Variants in TFPI2 observed in about 807,000 individuals in gnomAD.
TFPI2 encodes tissue factor pathway inhibitor 2.
In TFPI2, 23 loss-of-function variants were observed where a neutral mutation model predicts 23.1. The ratio of observed to expected loss-of-function variants is 1.00; its 90% CI spans 0.72 to 1.41. The LOEUF is 1.41. Among genes scored for constraint, TFPI2 ranks in the 40% most tolerant of loss-of-function variants. The pLI is 0.00. For synonymous variants in TFPI2, 119 were observed against 111.7 expected, an observed-to-expected ratio of 1.07 and a Z score of -0.41; for missense variants, 291 against 299.6, an observed-to-expected ratio of 0.97 and a Z score of 0.21.
intron 4 of TFPI2, 69 bp downstream of exon 4, chr7:93,887,192 A>C (rs1794009829): frequency 6.9e-7 from 1 of 1,449,134 alleles, no homozygotes; most frequent in African/African-American, 1.5e-5. Context: ...TGGATAAATA[A>C]AAATATAATT....
intron 4 of TFPI2, 29 bp downstream of exon 4, chr7:93,887,232 T>G: frequency 2.5e-6 from 4 of 1,570,472 alleles, no homozygotes; most frequent in Non-Finnish European, 3.5e-6. Context: ...AAAGTTTATC[T>G]AAAGGTGGAA....
At chr7:93,887,594 A>G (rs1459143653) in intron 3 of TFPI2, among the ~76,000 whole-genome samples, 163 bp from the exon 4 acceptor site, 1 of 152,242 alleles carries the variant, frequency 6.6e-6, no homozygotes, top group Non-Finnish European at 1.5e-5. Context: ...AATTGCAGGT[A>G]AGCTTACATG....
At position 93,890,745 on chromosome 7, in the gene TFPI2, C is replaced by A; in HGVS notation, c.-67G>T. 6.8e-7 allele frequency: 1 copy of A among 1,462,654 alleles called. No homozygotes were observed. The highest frequency in any genetic ancestry group is 9.4e-7 in the Non-Finnish European group (1 of 1,067,936). 90.6% of individuals were successfully genotyped at this position (1,462,654 alleles called of 1,614,324 possible). A position where few individuals can be genotyped will look rare whatever the true frequency, so the allele number is the denominator to read the frequency against. ...AAAGCGCCTGGCGGGAGGAGGTGCG[C>A]GGCTTTCTGCTCCAGGCGGCCCGGG... On this transcript the variant is annotated 5_prime_UTR_variant, in exon 1 of 5. Coordinates refer to ENST00000222543, the MANE Select transcript of TFPI2 (RefSeq NM_006528.4).
chr7:93,889,316 A>C, intron 2 of TFPI2, 93 bp from the exon 3 acceptor site: 3 of 1,206,180 alleles, frequency 2.5e-6, no homozygotes, highest in Non-Finnish European at 3.5e-6. Flanking sequence ...GTGGGGGGAG[A>C]GAAGTTGTAT....
Position 93,890,724 on chromosome 7 carries a change from C to T in TFPI2, c.-46G>A. On this transcript the variant is annotated 5_prime_UTR_variant, in exon 1 of 5. Coordinates refer to ENST00000222543, the MANE Select transcript of TFPI2 (RefSeq NM_006528.4). ...CCGCTGGGCAAGGCGTCCGAGAAAG[C>T]GCCTGGCGGGAGGAGGTGCGCGGCT... The T allele has an allele frequency of 1.3e-6, 2 of 1,564,362 alleles. No homozygotes were observed. Among genetic ancestry groups the T allele is most frequent in the Non-Finnish European group, 1.7e-6 (2 of 1,148,658 alleles).
chr7:93,887,487 A>G (rs924905564), intron 3 of TFPI2, 56 bp from the exon 4 acceptor site: 2 of 1,409,104 alleles, frequency 1.4e-6, no homozygotes, highest in African/African-American at 1.4e-5. Context: ...TTTTTAAATT[A>G]TGGTGATTAC....
intron 3 of TFPI2, among the ~76,000 whole-genome samples, chr7:93,888,042 T>C (rs1430468322): frequency 6.6e-6 from 1 of 152,224 alleles, no homozygotes; most frequent in African/African-American, 2.4e-5. Context: ...GGGAAATGCC[T>C]GTATTGTCTC....
intron 1 of TFPI2, 106 bp downstream of exon 1, chr7:93,890,485 A>T: frequency 7.0e-7 from 1 of 1,437,472 alleles, no homozygotes; most frequent in Non-Finnish European, 9.3e-7. Flanking sequence ...AGCGCGCGGC[A>T]GGGACCTGGA....
chr7:93,890,356 A>G, intron 1 of TFPI2, 37 bp from the exon 2 acceptor site: 2 of 1,580,766 alleles, frequency 1.3e-6, no homozygotes, highest in Non-Finnish European at 1.7e-6. Flanking sequence ...AAGAGAGGGA[A>G]AGTGGTCAGG....
At position 93,890,272 on chromosome 7, in the gene TFPI2, G is replaced by C. The variant is rs372277275; in HGVS notation, c.136C>G (p.Arg46Gly). 1.9e-6 allele frequency: 3 copies of C among 1,613,688 alleles called. No homozygotes were observed. Among genetic ancestry groups the C allele is most frequent in the Non-Finnish European group, 2.5e-6 (3 of 1,179,582 alleles). The change falls in exon 2 of 5, where the codon CGG becomes GGG. Residue 46 changes from arginine (R) to glycine (G), a missense_variant. Transcript: ENST00000222543. ...CLLPLDYGPC[R>G]ALLLRYYYDR... ...TAGTAGTAACGGAGAAGTAGGGCCC[G>C]GCAGGGTCCGTAGTCTAGGGGCAGG...
chr7:93,890,555 C>A, intron 1 of TFPI2, 36 bp downstream of exon 1: 4 of 1,601,938 alleles, frequency 2.5e-6, no homozygotes, highest in South Asian at 2.2e-5. Flanking sequence ...CCCTCTCCGC[C>A]GGTTGGGGAG....
rs1270750621 is a variant in TFPI2, at chr7:93,890,629, G to T, written c.50C>A (p.Thr17Lys). 5 of 1,613,326 alleles carry T rather than the reference G, an allele frequency of 3.1e-6. No homozygotes were observed. The highest frequency in any genetic ancestry group is 4.2e-6 in the Non-Finnish European group (5 of 1,179,828). ...LGLSILLLFL[T>K]EAALGDAAQE... ...AGCAGCATCGCCCAGTGCAGCCTCCGTCAGGAAAAGCAGCAGAATCGACAG... is the reference window on the plus strand; with the variant it reads ...AGCAGCATCGCCCAGTGCAGCCTCCTTCAGGAAAAGCAGCAGAATCGACAG... The change falls in exon 1 of 5, where the codon ACG (threonine) becomes AAG (lysine). Residue 17 changes from threonine to lysine, a missense_variant. Thr to Lys is a moderately conservative substitution (Grantham distance 78). Coordinates refer to ENST00000222543, the MANE Select transcript of TFPI2 (RefSeq NM_006528.4).
In TFPI2 at chr7:93,886,467, G is replaced by A. The variant is rs112579099; in HGVS notation, c.*353C>T. ...GCTAGTCCTTTTTATTCTCAAATAT[G>A]TTAAAAGCACATGATTATATTGTCT... On this transcript the variant is annotated 3_prime_UTR_variant, in exon 5 of 5. Coordinates refer to ENST00000222543, the MANE Select transcript of TFPI2 (RefSeq NM_006528.4). 672 of 164,560 alleles carry A rather than the reference G, an allele frequency of 4.1e-3. 2 individuals carry two copies. Among genetic ancestry groups the A allele is most frequent in the Middle Eastern group, 0.019 (7 of 362 alleles). 10.2% of individuals were successfully genotyped at this position (164,560 alleles called of 1,614,324 possible).
chr7:93,887,184 G>T, intron 4 of TFPI2, 77 bp downstream of exon 4: 2 of 1,396,820 alleles, frequency 1.4e-6, no homozygotes, highest in Non-Finnish European at 1.9e-6. Context: ...TAGTAAAATG[G>T]ATAAATAAAA....
At chr7:93,888,688 A>G (rs973442065) in intron 3 of TFPI2, among the ~76,000 whole-genome samples, 2 of 151,686 alleles carry the variant, frequency 1.3e-5, no homozygotes, top group African/African-American at 4.8e-5. Context: ...TTAGCTGGGC[A>G]TGGTGGCGGG....
intron 3 of TFPI2, 73 bp from the exon 4 acceptor site, chr7:93,887,504 A>T (rs1794018862): frequency 8.3e-7 from 1 of 1,208,802 alleles, no homozygotes; most frequent in African/African-American, 1.6e-5. Flanking sequence ...TTACTGAAGT[A>T]ACTGAAGAAA....
rs1794120031 is a variant in TFPI2, at chr7:93,890,648, T to C, written c.31A>G (p.Ile11Val). The change falls in exon 1 of 5, where the codon ATT becomes GTT. Residue 11 changes from isoleucine to valine, a missense_variant. By Grantham distance (29) the Ile-to-Val change is conservative. Transcript: ENST00000222543. MDPARPLGLS[I>V]LLLFLTEAAL... ...GCCTCCGTCAGGAAAAGCAGCAGAATCGACAGCCCCAGGGGGCGAGCGGGG... is the reference window on the plus strand; with the variant it reads ...GCCTCCGTCAGGAAAAGCAGCAGAACCGACAGCCCCAGGGGGCGAGCGGGG... 6.2e-6 allele frequency: 10 copies of C among 1,613,246 alleles called. No homozygotes were observed. The highest frequency in any genetic ancestry group is 8.5e-6 in the Non-Finnish European group (10 of 1,179,768).
In TFPI2 at chr7:93,890,144, C is replaced by G. The variant is rs1794097771; in HGVS notation, c.264G>C (p.Arg88Ser). 1.2e-6 allele frequency: 2 copies of G among 1,601,386 alleles called. No homozygotes were observed. Among genetic ancestry groups the G allele is most frequent in the Non-Finnish European group, 1.7e-6 (2 of 1,170,752 alleles). Reference protein sequence around the residue: ...TWEACDDACWRIEKVPKVCRL... With the variant: ...TWEACDDACWSIEKVPKVCRL... The stretch of plus-strand genomic sequence containing the variant: ...TGCGCGCAGGGCACTTACTTTCTAT[C>G]CTCCAGCAAGCATCGTCGCAAGCCT... Residue 88 changes from arginine to serine, a missense_variant, in exon 2 of 5, where the codon AGG (arginine) becomes AGC (serine). Physicochemically the swap from Arg to Ser is moderately radical, Grantham distance 110. Coordinates refer to ENST00000222543, the MANE Select transcript of TFPI2 (RefSeq NM_006528.4).
Position 93,890,650 on chromosome 7 carries a change from G to A in TFPI2, c.29C>T (p.Ser10Leu), listed in dbSNP as rs745447348. The change falls in exon 1 of 5, where the codon TCG becomes TTG. Residue 10 changes from serine (S) to leucine (L), a missense_variant. Transcript: ENST00000222543. The stretch of plus-strand genomic sequence containing the variant: ...CTCCGTCAGGAAAAGCAGCAGAATC[G>A]ACAGCCCCAGGGGGCGAGCGGGGTC... The part of the protein sequence containing the change: MDPARPLGL[S>L]ILLLFLTEAA... The A allele has an allele frequency of 8.1e-6, 13 of 1,613,136 alleles. No homozygotes were observed. The highest frequency in any genetic ancestry group is 1.1e-5 in the Non-Finnish European group (13 of 1,179,794).
Sources: gnomAD v4.1 joint callset for allele counts (sites outside exome capture counted in the v4.1 genomes callset) on GRCh38, gnomAD v4.1.1 for gene constraint, MANE v1.5 for transcripts, NCBI Gene and HGNC (gene_info 2026-07-23, HGNC 2026-07-21) for gene names.